Variants in GSK3B observed in about 807,000 individuals in gnomAD.
GSK3B encodes the protein glycogen synthase kinase 3 beta, also known as glycogen synthase kinase-3 beta.
A neutral mutation model predicts 56.4 loss-of-function variants in GSK3B; 15 were observed. The observed-to-expected ratio is 0.27, with a 90% CI of 0.18 to 0.41. The LOEUF is 0.41. GSK3B is among the 10% of genes least tolerant of loss of function. The pLI is 1.00. For missense variants in GSK3B, 300 were observed against 513.4 expected (o/e 0.58, Z 4.02); for synonymous variants, 181 against 188.9 (o/e 0.96, Z 0.34).
chr3:119,921,876 G>A lies in GSK3B; in HGVS notation c.477+1497C>T, dbSNP rs986560585. On this transcript the variant is annotated intron_variant, in intron 4 of 10. Transcript: ENST00000264235. Reference sequence around the variant, plus strand: ...ATCCTGGCCAGGCGTGGTGGCTTGCGCCTGTAATCTCAGTACTTGGGGAGT... The same window carrying A: ...ATCCTGGCCAGGCGTGGTGGCTTGCACCTGTAATCTCAGTACTTGGGGAGT... Among the ~76,000 whole-genome samples, 7 of 152,084 alleles carry A rather than the reference G, an allele frequency of 4.6e-5. No homozygotes were observed. In the East Asian group the frequency reaches 5.8e-4, roughly 13 times the overall value.
chr3:119,904,505 T>G (rs747060581), intron 7 of GSK3B, among the ~76,000 whole-genome samples: 11 of 152,176 alleles, frequency 7.2e-5, no homozygotes, highest in Non-Finnish European at 1.3e-4. Context: ...TATTACACAC[T>G]AGTCTTTTCA....
intron 7 of GSK3B, among the ~76,000 whole-genome samples, chr3:119,885,706 C>T (rs1338547925): frequency 1.3e-5 from 2 of 152,032 alleles, no homozygotes; most frequent in Non-Finnish European, 2.9e-5. Context: ...AAAACAGATT[C>T]ATAGACCAAT....
chr3:120,072,167 A>C (rs1369370183), intron 1 of GSK3B, among the ~76,000 whole-genome samples: 1 of 152,234 alleles, frequency 6.6e-6, no homozygotes, highest in Non-Finnish European at 1.5e-5. Flanking sequence ...GTAAACTGAC[A>C]CTTAAAACAC....
intron 1 of GSK3B, among the ~76,000 whole-genome samples, chr3:120,045,868 G>C (rs1194801620): frequency 6.6e-6 from 1 of 152,108 alleles, no homozygotes; most frequent in Admixed American, 6.5e-5. Context: ...AAAAATTGTG[G>C]TATATCCATA....
chr3:120,086,716 G>A (rs950894135), intron 1 of GSK3B, among the ~76,000 whole-genome samples: 4 of 151,838 alleles, frequency 2.6e-5, no homozygotes, highest in African/African-American at 9.7e-5. Context: ...GATCACCCGA[G>A]CCCAGGAGGC....
chr3:120,053,054 T>C lies in GSK3B; in HGVS notation c.88+40293A>G, dbSNP rs568552890. ...TAAGTAAAACAGCAGTAGAAAACTATAGGCCGGGCATGGTGCTCATGCCTG... is the reference window on the plus strand; with the variant it reads ...TAAGTAAAACAGCAGTAGAAAACTACAGGCCGGGCATGGTGCTCATGCCTG... On this transcript the variant is annotated intron_variant, in intron 1 of 10. Transcript: ENST00000264235. Among the ~76,000 whole-genome samples, 27 of 152,260 alleles carry C rather than the reference T, an allele frequency of 1.8e-4. No individual in the cohort carries two copies. The South Asian group carries it at 5.6e-3, about 32-fold the overall frequency.
At chr3:120,069,321 T>G (rs2058307625) in intron 1 of GSK3B, among the ~76,000 whole-genome samples, 1 of 152,042 alleles carries the variant, frequency 6.6e-6, no homozygotes, top group Non-Finnish European at 1.5e-5. Flanking sequence ...AGGGGAAAGG[T>G]TTCTCTCCCC....
At chr3:119,936,378 GCT>G (rs2056995370) in intron 3 of GSK3B, among the ~76,000 whole-genome samples, 1 of 143,140 alleles carries the variant, frequency 7.0e-6, no homozygotes, top group African/African-American at 2.7e-5. Flanking sequence ...ACAAAGTCTC[GCT>G]CTGTCACCCA....
At chr3:120,084,949 T>A (rs1410575452) in intron 1 of GSK3B, among the ~76,000 whole-genome samples, 1 of 152,234 alleles carries the variant, frequency 6.6e-6, no homozygotes, top group African/African-American at 2.4e-5. Context: ...AATTTATGTA[T>A]GTATACACAA....
rs988436519 is a variant in GSK3B at position 119,902,545 on chromosome 3, C to T, written c.813+3210G>A. Among the ~76,000 whole-genome samples, 5 of 151,970 alleles carry T rather than the reference C, an allele frequency of 3.3e-5. No homozygotes were observed. The South Asian group carries it at 6.2e-4, about 19-fold the overall frequency. On this transcript the variant is annotated intron_variant, in intron 7 of 10. Transcript: ENST00000264235. Reference sequence around the variant, plus strand: ...TGGAGTACCCAGGACTACAGGTGTGCGCCATGGCACCTGGCTAGTTTTTAT... The same window carrying T: ...TGGAGTACCCAGGACTACAGGTGTGTGCCATGGCACCTGGCTAGTTTTTAT...
intron 1 of GSK3B, among the ~76,000 whole-genome samples, chr3:120,007,965 G>A (rs903946172): frequency 6.6e-6 from 1 of 152,164 alleles, no homozygotes; most frequent in Non-Finnish European, 1.5e-5. Flanking sequence ...TAGGAGGAGA[G>A]GAAGTCAAAT....
chr3:119,866,510 A>G (rs2056184465), intron 8 of GSK3B: 2 of 849,258 alleles, frequency 2.4e-6, no homozygotes, highest in Admixed American at 3.8e-5. Flanking sequence ...ATGAGTAATT[A>G]TTTAGCCTCT....
At chr3:120,077,951 G>C (rs2058381392) in intron 1 of GSK3B, among the ~76,000 whole-genome samples, 1 of 151,986 alleles carries the variant, frequency 6.6e-6, no homozygotes, top group Non-Finnish European at 1.5e-5. Flanking sequence ...TTTAACCTCA[G>C]ATTCTTCACT....
intron 1 of GSK3B, among the ~76,000 whole-genome samples, chr3:120,018,307 TC>T (rs1338930990): frequency 6.6e-6 from 1 of 152,160 alleles, no homozygotes; most frequent in Non-Finnish European, 1.5e-5. Context: ...AGTACAGTAT[TC>T]ACAGGGTGTA....
At chr3:119,931,713 C>G (rs2056947631) in intron 3 of GSK3B, among the ~76,000 whole-genome samples, 1 of 152,086 alleles carries the variant, frequency 6.6e-6, no homozygotes, top group African/African-American at 2.4e-5. Context: ...GAGCTGAAAA[C>G]GCTGAGTCTG....
chr3:120,076,813 CAAAAAAAAAAAAA>C (rs202058386), intron 1 of GSK3B, among the ~76,000 whole-genome samples: 1,959 of 45,692 alleles, frequency 0.043, 68 homozygotes, highest in African/African-American at 0.11. Context: ...AACTCCGTCT[CAAAAAAAAAAAAA>C]AAAAAAAAAA....
intron 7 of GSK3B, among the ~76,000 whole-genome samples, chr3:119,889,678 G>A (rs1323609375): frequency 6.6e-6 from 1 of 152,018 alleles, no homozygotes; most frequent in Non-Finnish European, 1.5e-5. Flanking sequence ...ATACGAAGGT[G>A]CAAAACTTAA....
At chr3:119,843,224 T>G (rs199796605) in intron 10 of GSK3B, 31 bp downstream of exon 10, 1 of 1,440,474 alleles carries the variant, frequency 6.9e-7, no homozygotes, top group Non-Finnish European at 9.7e-7. Context: ...CCAGAATATG[T>G]TTTTATAGAA....
chr3:120,065,173 G>A (rs1406153803), intron 1 of GSK3B, among the ~76,000 whole-genome samples: 1 of 152,080 alleles, frequency 6.6e-6, no homozygotes, highest in African/African-American at 2.4e-5. Flanking sequence ...GCACTAAAAA[G>A]AGAATGAAAA....
Sources: gnomAD v4.1 joint callset for allele counts (sites outside exome capture counted in the v4.1 genomes callset) on GRCh38, gnomAD v4.1.1 for gene constraint, MANE v1.5 for transcripts, NCBI Gene and HGNC (gene_info 2026-07-23, HGNC 2026-07-21) for gene names.